The following PPP1R12B variants were observed in gnomAD, a reference collection of about 807,000 sequenced individuals.
The protein encoded by PPP1R12B is myosin phosphatase target subunit 2.
PPP1R12B carries 76 observed loss-of-function variants against 126.1 expected under a neutral mutation model. That is an observed-to-expected ratio of 0.60 (90% CI 0.50 to 0.73). PPP1R12B has a LOEUF of 0.73. Ranked by LOEUF, PPP1R12B falls within the 30% of genes least tolerant of loss-of-function variation. PPP1R12B has a pLI of 0.00. For synonymous variants in PPP1R12B, 356 were observed against 434.7 expected (o/e 0.82, Z 2.25); for missense variants, 1,052 against 1,205.1 (o/e 0.87, Z 1.88).
intron 13 of PPP1R12B, among the ~76,000 whole-genome samples, chr1:202,486,775 T>TCCA (rs1678190271): frequency 6.6e-6 from 1 of 152,192 alleles, no homozygotes; most frequent in South Asian, 2.1e-4. Context: ...GCCACTGTAC[T>TCCA]CCAGCATGGG....
chr1:202,365,051 C>G (rs1432916712), intron 1 of PPP1R12B, among the ~76,000 whole-genome samples: 1 of 152,304 alleles, frequency 6.6e-6, no homozygotes. Flanking sequence ...AGTACAAATA[C>G]CACCCTAACA....
At chr1:202,353,629 T>TGTGTGTGTGTGTGTGTGTGTGA (rs540599307) in intron 1 of PPP1R12B, among the ~76,000 whole-genome samples, 22 of 138,260 alleles carry the variant, frequency 1.6e-4, no homozygotes, top group African/African-American at 2.1e-4. Context: ...TGTGTGTGTG[T>TGTGTGTGTGTGTGTGTGTGTGA]GACAGGGTCT....
At chr1:202,474,722 CAGT>C (rs1676414324) in intron 13 of PPP1R12B, among the ~76,000 whole-genome samples, 1 of 152,070 alleles carries the variant, frequency 6.6e-6, no homozygotes, top group South Asian at 2.1e-4. Context: ...GTATGGTAAT[CAGT>C]AGCCATGTGT....
chr1:202,491,136 T>A (rs1678827893), intron 14 of PPP1R12B, among the ~76,000 whole-genome samples: 1 of 152,170 alleles, frequency 6.6e-6, no homozygotes, highest in Admixed American at 6.5e-5. Flanking sequence ...TTGTTGTTGT[T>A]TTTATGAGAT....
intron 18 of PPP1R12B, among the ~76,000 whole-genome samples, chr1:202,537,213 G>A (rs1228531685): frequency 6.6e-6 from 1 of 152,094 alleles, no homozygotes; most frequent in African/African-American, 2.4e-5. Context: ...AATTAGCCCG[G>A]CATGGTGGCA....
chr1:202,406,692 C>T (rs753754840), intron 1 of PPP1R12B, among the ~76,000 whole-genome samples: 11 of 152,084 alleles, frequency 7.2e-5, no homozygotes, highest in Non-Finnish European at 1.5e-4. Flanking sequence ...CTCTAGTTTC[C>T]GTATTCTTTT....
chr1:202,480,031 A>G (rs1268719079), intron 13 of PPP1R12B, among the ~76,000 whole-genome samples: 3 of 152,212 alleles, frequency 2.0e-5, no homozygotes, highest in African/African-American at 4.8e-5. Flanking sequence ...ATACCAAGAA[A>G]TAAGAGTTAC....
intron 18 of PPP1R12B, among the ~76,000 whole-genome samples, chr1:202,521,528 G>A (rs1682788130): frequency 6.6e-6 from 1 of 152,152 alleles, no homozygotes; most frequent in Admixed American, 6.5e-5. Flanking sequence ...TGAGAAAGAA[G>A]CGTTTAGACA....
intron 21 of PPP1R12B, 130 bp downstream of exon 21, chr1:202,564,677 A>C (rs181468044): frequency 9.6e-6 from 6 of 622,980 alleles, no homozygotes; most frequent in Non-Finnish European, 1.6e-5. Flanking sequence ...ATGAGATAGA[A>C]GCTTCTTAGA....
chr1:202,365,917 G>A (rs1170128991), intron 1 of PPP1R12B, among the ~76,000 whole-genome samples: 1 of 152,028 alleles, frequency 6.6e-6, no homozygotes, highest in East Asian at 1.9e-4. Flanking sequence ...CTGAGCCTGG[G>A]AGTTTCGGGC....
intron 13 of PPP1R12B, among the ~76,000 whole-genome samples, chr1:202,478,084 C>A (rs543678169): frequency 6.6e-6 from 1 of 152,288 alleles, no homozygotes; most frequent in African/African-American, 2.4e-5. Flanking sequence ...CATTCAGATT[C>A]ATGGATGGCT....
intron 18 of PPP1R12B, among the ~76,000 whole-genome samples, chr1:202,537,984 TTTTG>T (rs557780620): frequency 2.0e-5 from 3 of 152,110 alleles, no homozygotes; most frequent in South Asian, 4.1e-4. Context: ...GGCAAGTTGT[TTTTG>T]TTTGTTTGTT....
chr1:202,458,071 G>T (rs1349378495), intron 13 of PPP1R12B, among the ~76,000 whole-genome samples: 1 of 152,098 alleles, frequency 6.6e-6, no homozygotes, highest in Non-Finnish European at 1.5e-5. Flanking sequence ...GGACATGGGA[G>T]TGGTTAGGGA....
intron 1 of PPP1R12B, among the ~76,000 whole-genome samples, chr1:202,403,488 C>T (rs1011923094): frequency 2.0e-5 from 3 of 152,172 alleles, no homozygotes; most frequent in Admixed American, 1.3e-4. Flanking sequence ...TAGCTGAGAC[C>T]TTATACTGTA....
intron 13 of PPP1R12B, among the ~76,000 whole-genome samples, chr1:202,471,352 T>C (rs1303199717): frequency 1.3e-5 from 2 of 152,062 alleles, no homozygotes; most frequent in African/African-American, 2.4e-5. Context: ...GGTCTTTTTT[T>C]TTTTTCTTCC....
intron 13 of PPP1R12B, among the ~76,000 whole-genome samples, chr1:202,469,124 A>G (rs1449769193): frequency 1.3e-5 from 2 of 152,216 alleles, no homozygotes; most frequent in Non-Finnish European, 2.9e-5. Flanking sequence ...CAGTTCAATA[A>G]TTGTTTTAGA....
chr1:202,404,645 G>T (rs530581673), intron 1 of PPP1R12B, among the ~76,000 whole-genome samples: 1 of 152,142 alleles, frequency 6.6e-6, no homozygotes, highest in South Asian at 2.1e-4. Flanking sequence ...GACTGCAGGC[G>T]TGTGCCACCA....
At chr1:202,475,277 A>G (rs1039882139) in intron 13 of PPP1R12B, among the ~76,000 whole-genome samples, 12 of 152,188 alleles carry the variant, frequency 7.9e-5, no homozygotes, top group African/African-American at 2.9e-4. Flanking sequence ...CCAAAGAAGA[A>G]TTTATCCCTA....
At chr1:202,542,580 A>T (rs1449084215) in intron 18 of PPP1R12B, among the ~76,000 whole-genome samples, 1 of 152,216 alleles carries the variant, frequency 6.6e-6, no homozygotes, top group Non-Finnish European at 1.5e-5. Flanking sequence ...TTTATCCTTG[A>T]TGGAGACACA....
Sources: gnomAD v4.1 joint callset for allele counts (sites outside exome capture counted in the v4.1 genomes callset) on GRCh38, gnomAD v4.1.1 for gene constraint, MANE v1.5 for transcripts, NCBI Gene and HGNC (gene_info 2026-07-23, HGNC 2026-07-21) for gene names.